SENP3: variants seen among roughly 807,000 people sequenced by gnomAD.
SENP3 encodes the protein sentrin-specific protease 3.
A neutral mutation model predicts 66.2 loss-of-function variants in SENP3; 11 were observed. The observed-to-expected ratio is 0.17, with a 90% CI of 0.10 to 0.28. The LOEUF (loss-of-function observed/expected upper bound fraction) is 0.28. Ranked by LOEUF, SENP3 falls within the 10% of genes least tolerant of loss-of-function variation. The probability of loss-of-function intolerance (pLI) is 1.00; values close to 1 mark genes in which losing one functional copy is unlikely to be tolerated. For synonymous variants in SENP3, 292 were observed against 277.6 expected, an observed-to-expected ratio of 1.05 and a Z score of -0.52; for missense variants, 548 against 743.7, an observed-to-expected ratio of 0.74 and a Z score of 3.06.
At position 7,570,786 on chromosome 17, in the gene SENP3, T is replaced by C. The variant is rs1167149437; in HGVS notation, c.1563+22T>C. ...AATGGTGAGTTTCCTGAGGGAGGGG[T>C]ATAGGGTGTTGGTGGGGACAGTGGT... On this transcript the variant is annotated intron_variant, in intron 9 of 10. Transcript: ENST00000321337. This position sits in a 1 kb window ranked among gnomAD's most constrained non-coding sequence, Gnocchi z 5.4. 1 of 1,605,260 alleles carries C rather than the reference T, an allele frequency of 6.2e-7. No homozygotes were observed. Among genetic ancestry groups the C allele is most frequent in the Non-Finnish European group, 8.5e-7 (1 of 1,175,458 alleles).
At position 7,571,742 on chromosome 17, in the gene SENP3, A is replaced by G. The variant is rs570627179; in HGVS notation, c.*259A>G. 21 of 292,396 alleles carry G rather than the reference A, an allele frequency of 7.2e-5. No individual in the cohort carries two copies. In the East Asian group the frequency reaches 1.5e-3, roughly 21 times the overall value. 18.1% of individuals were successfully genotyped at this position (292,396 alleles called of 1,614,324 possible). ...TGTGGCCCTGTGGCCTGGGTGGAGC[A>G]GTCATCCTCCCCCTTCCCCGTGCAG... On this transcript the variant is annotated 3_prime_UTR_variant, in exon 11 of 11. Transcript: ENST00000321337.
At position 7,562,633 on chromosome 17, in the gene SENP3, G is replaced by C. The variant is rs1393836955; in HGVS notation, c.-12+370G>C. 3.3e-5 allele frequency among the ~76,000 whole-genome samples: 5 copies of C among 152,222 alleles called. No homozygotes were observed. Among genetic ancestry groups the C allele is most frequent in the Non-Finnish European group, 7.3e-5 (5 of 68,040 alleles). ...TGCCCCCCGTTCATCCAGGGTGTTAGAGAACTGTCTCCCATTCCAGTCCAG... is the reference window on the plus strand; with the variant it reads ...TGCCCCCCGTTCATCCAGGGTGTTACAGAACTGTCTCCCATTCCAGTCCAG... On this transcript the variant is annotated intron_variant, in intron 1 of 10. Transcript: ENST00000321337. This position sits in a 1 kb window ranked among gnomAD's most constrained non-coding sequence, Gnocchi z 5.0.
chr17:7,565,706 C>T lies in SENP3; in HGVS notation c.1216-11C>T. On this transcript the variant is annotated splice_polypyrimidine_tract_variant and intron_variant, in intron 5 of 10. Transcript: ENST00000321337. ...CCCTCCATGGCAAGCTGCCTCCCAT[C>T]TTCTCCCCAGGTGATGAACATGTAT... 6.2e-7 allele frequency: 1 copy of T among 1,613,994 alleles called. No homozygotes were observed. The highest frequency in any genetic ancestry group is 8.5e-7 in the Non-Finnish European group (1 of 1,179,876).
Position 7,565,831 on chromosome 17 carries a change from C to T in SENP3, c.1263+67C>T. 7.5e-6 allele frequency: 10 copies of T among 1,325,940 alleles called. No homozygotes were observed. The South Asian group carries it at 8.4e-5, about 11-fold the overall frequency. The allele number at this position is 1,325,940 out of a possible 1,614,324, so 82.1% of individuals were successfully genotyped here. A position where few individuals can be genotyped will look rare whatever the true frequency, so the allele number is the denominator to read the frequency against. On this transcript the variant is annotated intron_variant, in intron 6 of 10. Coordinates refer to ENST00000321337, the MANE Select transcript of SENP3 (RefSeq NM_015670.6). ...CAGTTTTAAGCAGCTTTTTAAGCTC[C>T]TTTCATCTCTTTCATTTTACACAGA...
chr17:7,565,704 A>ATCT lies in SENP3; in HGVS notation c.1216-9_1216-7dup. On this transcript the variant is annotated splice_polypyrimidine_tract_variant and intron_variant, in intron 5 of 10. Coordinates refer to ENST00000321337, the MANE Select transcript of SENP3 (RefSeq NM_015670.6). Reference sequence around the variant, plus strand: ...CACCCTCCATGGCAAGCTGCCTCCCATCTTCTCCCCAGGTGATGAACATGT... The same window carrying ATCT: ...CACCCTCCATGGCAAGCTGCCTCCCATCTTCTTCTCCCCAGGTGATGAACATGT... 5 of 1,613,988 alleles carry ATCT rather than the reference A, an allele frequency of 3.1e-6. No individual in the cohort carries two copies. The highest frequency in any genetic ancestry group is 4.2e-6 in the Non-Finnish European group (5 of 1,179,880).
rs746105754 is a variant in SENP3 at position 7,564,944 on chromosome 17, C to T, written c.956-15C>T. 3.7e-6 allele frequency: 6 copies of T among 1,611,886 alleles called. No homozygotes were observed. The highest frequency in any genetic ancestry group is 2.2e-5 in the South Asian group (2 of 91,046). On this transcript the variant is annotated splice_polypyrimidine_tract_variant and intron_variant, in intron 3 of 10. Transcript: ENST00000321337. ...GTCTGGAGGCCTCACCCCCTCCTCT[C>T]TCCCTTTCCACCAGGCATCTTGGAC...
Position 7,563,624 on chromosome 17 carries a change from G to C in SENP3, c.548G>C (p.Cys183Ser). The change falls in exon 2 of 11, where the codon TGT becomes TCT. Residue 183 changes from cysteine (C) to serine (S), a missense_variant. By Grantham distance (112) the Cys-to-Ser change is moderately radical (BLOSUM62 -1). This residue lies in a region of SENP3 where 215 missense variants were observed against 230.7 expected (regional missense o/e 0.93). Transcript: ENST00000321337. ...GGATPQVPSP[C>S]CRFDSPRGPP... ...GCGACGCCACAGGTGCCATCCCCCT[G>C]TTGTCGTTTTGACTCCCCCCGGGGG... 1 of 1,601,596 alleles carries C rather than the reference G, an allele frequency of 6.2e-7. No homozygotes were observed. Among genetic ancestry groups the C allele is most frequent in the Non-Finnish European group, 8.5e-7 (1 of 1,174,652 alleles).
Position 7,563,178 on chromosome 17 carries a change from GC to G in SENP3, c.107del (p.Pro36HisfsTer95). 1 of 1,563,950 alleles carries G rather than the reference GC, an allele frequency of 6.4e-7. No homozygotes were observed. The highest frequency in any genetic ancestry group is 1.2e-5 in the South Asian group (1 of 83,254). ...GTCCCAGGCGGGAGCGTCTTCGTTG[GC>G]CCCCACCTCCCAAACCCCGACTCAA... ...SSPRRERLRW[P>X]PPPKPRLKSG... On this transcript the variant is annotated frameshift_variant, in exon 2 of 11. Coordinates refer to ENST00000321337, the MANE Select transcript of SENP3 (RefSeq NM_015670.6). LOFTEE classifies it high-confidence loss of function.
In SENP3 at chr17:7,562,944, T is replaced by G; in HGVS notation, c.-11-122T>G. ...CCGGGAAGATCTTAAGTTAGGAGTT[T>G]TGCGTTTTTTCCTCTTTTCTTTATT... On this transcript the variant is annotated intron_variant, in intron 1 of 10. Transcript: ENST00000321337. This position sits in a 1 kb window ranked among gnomAD's most constrained non-coding sequence, Gnocchi z 5.0. 7.7e-7 allele frequency: 1 copy of G among 1,303,378 alleles called. No individual in the cohort carries two copies. Among genetic ancestry groups the G allele is most frequent in the Non-Finnish European group, 9.7e-7 (1 of 1,026,634 alleles). The allele number at this position is 1,303,378 out of a possible 1,614,324, so 80.7% of individuals were successfully genotyped here.
chr17:7,563,025 G>A, intron 1 of SENP3, 41 bp from the exon 2 acceptor site: 1 of 1,418,946 alleles, frequency 7.0e-7, no homozygotes, highest in Non-Finnish European at 9.2e-7. Context: ...CTGCGGTGGG[G>A]TGATGCTTAG....
At chr17:7,564,571 T>C (rs941071827) in intron 2 of SENP3, 54 bp from the exon 3 acceptor site, 25 of 1,604,334 alleles carry the variant, frequency 1.6e-5, no homozygotes, top group Non-Finnish European at 2.0e-5. Flanking sequence ...TGCATCCCAT[T>C]GTGCTTTCCC....
rs2071240135 is a variant in SENP3 at position 7,563,452 on chromosome 17, C to G, written c.376C>G (p.Arg126Gly). The G allele has an allele frequency of 6.5e-7, 1 of 1,550,124 alleles. No individual in the cohort carries two copies. Among genetic ancestry groups the G allele is most frequent in the Non-Finnish European group, 8.7e-7 (1 of 1,146,846 alleles). ...TCATCGAAAAACCTGCTCACAGCGC[C>G]GCCGCCGAGCCATGAGAGCCTTCCG... ...PTHRKTCSQR[R>G]RRAMRAFRML... Residue 126 changes from arginine to glycine, a missense_variant, in exon 2 of 11, where the codon CGC becomes GGC. Physicochemically the swap from Arg to Gly is moderately radical, Grantham distance 125 (BLOSUM62 -2). Transcript: ENST00000321337.
At position 7,563,694 on chromosome 17, in the gene SENP3, G is replaced by A. The variant is rs943737523; in HGVS notation, c.618G>A (p.Glu206=). Residue 206 remains glutamate (E), a synonymous_variant, in exon 2 of 11, where the codon GAG becomes GAA. Coordinates refer to ENST00000321337, the MANE Select transcript of SENP3 (RefSeq NM_015670.6). ...RLGLLGALMA[E]DGVRGSPPVP... ...GTCTGCTAGGTGCTCTCATGGCTGA[G>A]GATGGGGTGAGAGGGTCTCCACCAG... The A allele has an allele frequency of 2.5e-6, 4 of 1,613,064 alleles. No homozygotes were observed. The highest frequency in any genetic ancestry group is 1.1e-5 in the South Asian group (1 of 91,074).
Position 7,564,858 on chromosome 17 carries a change from G to C in SENP3, c.949G>C (p.Val317Leu). The part of the protein sequence containing the change: ...SPLREEHVTC[V>L]QSILDEFLQT... ...CCTGCGAGAGGAGCATGTGACCTGC[G>C]TACAGAGTAAGGAGCCCTTAAGCAA... The change falls in exon 3 of 11, where the codon GTA (valine) becomes CTA (leucine). Residue 317 changes from valine (V) to leucine (L), a missense_variant. Coordinates refer to ENST00000321337, the MANE Select transcript of SENP3 (RefSeq NM_015670.6). 1 of 1,609,806 alleles carries C rather than the reference G, an allele frequency of 6.2e-7. No homozygotes were observed. Among genetic ancestry groups the C allele is most frequent in the Non-Finnish European group, 8.5e-7 (1 of 1,177,282 alleles).
At chr17:7,566,464 T>C (rs2071269354) in intron 6 of SENP3, among the ~76,000 whole-genome samples, 1 of 151,956 alleles carries the variant, frequency 6.6e-6, no homozygotes, top group African/African-American at 2.4e-5. Context: ...CAGACCAGCC[T>C]GGCCAACATG....
Position 7,563,148 on chromosome 17 carries a change from C to G in SENP3, c.72C>G (p.Tyr24Ter), listed in dbSNP as rs1314817955. Reference protein sequence around the residue: ...EPPGPGIPPAYSSPRRERLRW... With the variant: ...EPPGPGIPPA ...CTGGACCCGGCATACCCCCAGCTTA[C>G]TCAAGTCCCAGGCGGGAGCGTCTTC... The change falls in exon 2 of 11, where the codon TAC becomes TAG. Residue 24 changes from tyrosine (Y) to a stop codon, truncating the protein, a stop_gained. Transcript: ENST00000321337. LOFTEE classifies it high-confidence loss of function. 1 of 1,547,276 alleles carries G rather than the reference C, an allele frequency of 6.5e-7. No individual in the cohort carries two copies. The highest frequency in any genetic ancestry group is 2.0e-5 in the Admixed American group (1 of 50,454).
At chr17:7,565,687 A>C in intron 5 of SENP3, 30 bp from the exon 6 acceptor site, 1 of 1,613,890 alleles carries the variant, frequency 6.2e-7, no homozygotes, top group Non-Finnish European at 8.5e-7. Context: ...CGCACCCTCC[A>C]TGGCAAGCTG....
Position 7,562,946 on chromosome 17 carries a change from G to T in SENP3, c.-11-120G>T. 1 of 1,307,038 alleles carries T rather than the reference G, an allele frequency of 7.7e-7. No individual in the cohort carries two copies. Among genetic ancestry groups the T allele is most frequent in the Non-Finnish European group, 9.7e-7 (1 of 1,029,382 alleles). 81.0% of individuals were successfully genotyped at this position (1,307,038 alleles called of 1,614,324 possible). A position where few individuals can be genotyped will look rare whatever the true frequency, so the allele number is the denominator to read the frequency against. ...GGGAAGATCTTAAGTTAGGAGTTTTGCGTTTTTTCCTCTTTTCTTTATTTG... is the reference window on the plus strand; with the variant it reads ...GGGAAGATCTTAAGTTAGGAGTTTTTCGTTTTTTCCTCTTTTCTTTATTTG... On this transcript the variant is annotated intron_variant, in intron 1 of 10. Coordinates refer to ENST00000321337, the MANE Select transcript of SENP3 (RefSeq NM_015670.6). This position sits in a 1 kb window ranked among gnomAD's most constrained non-coding sequence, Gnocchi z 5.0.
At position 7,563,260 on chromosome 17, in the gene SENP3, C is replaced by G. The variant is rs1310101056; in HGVS notation, c.184C>G (p.Arg62Gly). Residue 62 changes from arginine (R) to glycine (G), a missense_variant, in exon 2 of 11, where the codon CGC becomes GGC. This residue lies in a region of SENP3 where 164 missense variants were observed against 167.9 expected (regional missense o/e 0.98). Coordinates refer to ENST00000321337, the MANE Select transcript of SENP3 (RefSeq NM_015670.6). ...PGSGTTVPAR[R>G]LPVPRPSFDA... ...GTCAGGGACCACAGTGCCAGCCAGA[C>G]GCCTCCCTGTCCCCCGACCCTCTTT... 1 of 1,556,120 alleles carries G rather than the reference C, an allele frequency of 6.4e-7. No homozygotes were observed. Among genetic ancestry groups the G allele is most frequent in the Admixed American group, 1.9e-5 (1 of 51,346 alleles).
Sources: allele counts gnomAD v4.1 joint callset (sites outside exome capture counted in the v4.1 genomes callset), GRCh38; gene constraint gnomAD v4.1.1; regional missense constraint gnomAD v4.1.1; non-coding constraint Gnocchi (gnomAD v3.1); transcripts MANE v1.5; gene names NCBI Gene and HGNC (gene_info 2026-07-23, HGNC 2026-07-21).